TLN2: variants seen among roughly 807,000 people sequenced by gnomAD.
TLN2 encodes the protein talin 2.
TLN2 carries 118 observed loss-of-function variants against 294.7 expected under a neutral mutation model. The observed-to-expected ratio is 0.40, with a 90% confidence interval of 0.34 to 0.47. The LOEUF is 0.47. Among genes scored for constraint, TLN2 ranks in the 20% least tolerant of loss-of-function variants. The pLI is 0.84. For missense variants in TLN2, 3,083 were observed against 3,282.2 expected, an observed-to-expected ratio of 0.94 and a Z score of 1.48; for synonymous variants, 1,431 against 1,304.5, an observed-to-expected ratio of 1.10 and a Z score of -2.09.
rs60589441 is a variant in TLN2 at position 62,673,072 on chromosome 15, T to TTG, written c.789-729_789-728dup. Among the ~76,000 whole-genome samples, 433 of 144,892 alleles carry TTG rather than the reference T, an allele frequency of 3.0e-3. 3 individuals carry two copies. The highest frequency in any genetic ancestry group is 7.1e-3 in the African/African-American group (279 of 39,420). ...TATATAATGTAATATCCTAATTTAA[T>TTG]TGTGTGTGTGTGTGTGTGTGTGTGT... On this transcript the variant is annotated intron_variant, in intron 9 of 58. Coordinates refer to ENST00000636159, the MANE Select transcript of TLN2 (RefSeq NM_015059.3).
In TLN2 at chr15:62,708,526, C is replaced by G; in HGVS notation, c.2197C>G (p.Pro733Ala). The G allele has an allele frequency of 6.2e-7, 1 of 1,613,978 alleles. No homozygotes were observed. The highest frequency in any genetic ancestry group is 2.2e-5 in the East Asian group (1 of 44,872). The stretch of plus-strand genomic sequence containing the variant: ...GGTTGTGAGCCCCACTATTAGCTCC[C>G]CTGTGTGCCAGGAGCAGCTGATTGA... ...AKVVSPTISSPVCQEQLIEAG... is the reference protein window; with the variant it reads ...AKVVSPTISSAVCQEQLIEAG... Residue 733 changes from proline (P) to alanine (A), a missense_variant, in exon 21 of 59, where the codon CCT (proline) becomes GCT (alanine). Pro to Ala is a conservative substitution (Grantham distance 27). Transcript: ENST00000636159.
chr15:62,564,768 A>G (rs987495104), intron 1 of TLN2, among the ~76,000 whole-genome samples: 1 of 151,738 alleles, frequency 6.6e-6, no homozygotes, highest in African/African-American at 2.4e-5. Flanking sequence ...TTAGCTGGGC[A>G]TGGTGTCGGG....
intron 1 of TLN2, among the ~76,000 whole-genome samples, chr15:62,546,432 T>C (rs1412074252): frequency 6.6e-6 from 1 of 152,226 alleles, no homozygotes; most frequent in Non-Finnish European, 1.5e-5. Context: ...AGCCTTTTGC[T>C]TGTGCTGTGT....
At chr15:62,493,277 C>G (rs2140413158) in intron 1 of TLN2, among the ~76,000 whole-genome samples, 1 of 152,276 alleles carries the variant, frequency 6.6e-6, no homozygotes, top group East Asian at 1.9e-4. Context: ...GAGTTCAAAT[C>G]TTGCCTCTCC....
intron 1 of TLN2, among the ~76,000 whole-genome samples, chr15:62,541,974 G>T (rs1324160146): frequency 6.6e-6 from 1 of 151,352 alleles, no homozygotes; most frequent in East Asian, 1.9e-4. Flanking sequence ...TAGATAAAAA[G>T]ACTATTTAAA....
At chr15:62,564,048 C>A (rs756578327) in intron 1 of TLN2, among the ~76,000 whole-genome samples, 1 of 152,162 alleles carries the variant, frequency 6.6e-6, no homozygotes, top group Non-Finnish European at 1.5e-5. Flanking sequence ...CATTTTCTTC[C>A]TTAAATAATG....
At chr15:62,639,345 C>T (rs2050742304) in intron 3 of TLN2, among the ~76,000 whole-genome samples, 1 of 152,162 alleles carries the variant, frequency 6.6e-6, no homozygotes. Flanking sequence ...GGGGTTTGCA[C>T]AGCAGCCCTG....
chr15:62,505,814 G>T (rs1466555531), intron 1 of TLN2, among the ~76,000 whole-genome samples: 2 of 152,144 alleles, frequency 1.3e-5, no homozygotes, highest in African/African-American at 4.8e-5. Flanking sequence ...TTTTGACCTT[G>T]TCTGCCTCTA....
intron 1 of TLN2, among the ~76,000 whole-genome samples, chr15:62,510,279 T>C (rs1344326747): frequency 2.0e-5 from 3 of 152,090 alleles, no homozygotes; most frequent in African/African-American, 7.2e-5. Context: ...GGTTCTGAAG[T>C]GGTGGCTCTT....
intron 1 of TLN2, among the ~76,000 whole-genome samples, chr15:62,495,318 C>T (rs550199430): frequency 6.6e-6 from 1 of 152,292 alleles, no homozygotes; most frequent in Admixed American, 6.5e-5. Flanking sequence ...GAGTGATCCA[C>T]TGATGGTTGA....
chr15:62,708,446 G>GGA, intron 20 of TLN2, 56 bp from the exon 21 acceptor site: 1 of 1,574,708 alleles, frequency 6.4e-7, no homozygotes, highest in Non-Finnish European at 8.7e-7. Context: ...GGGGGCACAT[G>GGA]GAGAGGGACC....
chr15:62,491,347 TATATACACACAC>T (rs1318385374), intron 1 of TLN2, among the ~76,000 whole-genome samples: 1,201 of 82,238 alleles, frequency 0.015, 13 homozygotes, highest in East Asian at 0.063. Context: ...AATATATATA[TATATACACACAC>T]ACACACACAC....
At chr15:62,715,228 G>A (rs2059692021) in intron 22 of TLN2, among the ~76,000 whole-genome samples, 1 of 152,166 alleles carries the variant, frequency 6.6e-6, no homozygotes, top group African/African-American at 2.4e-5. Context: ...CAAAGAAATA[G>A]GTTCTTATAA....
At chr15:62,622,320 A>G (rs2048900859) in intron 3 of TLN2, among the ~76,000 whole-genome samples, 1 of 152,110 alleles carries the variant, frequency 6.6e-6, no homozygotes, top group South Asian at 2.1e-4. Flanking sequence ...GTGTGTGTGT[A>G]TCTGTAAAAG....
At position 62,473,965 on chromosome 15, in the gene TLN2, G is replaced by A. The variant is rs148933469; in HGVS notation, c.-238+83280G>A. 4.7e-3 allele frequency among the ~76,000 whole-genome samples: 711 copies of A among 152,276 alleles called. 7 individuals are homozygous for A. Among genetic ancestry groups the A allele is most frequent in the African/African-American group, 0.016 (676 of 41,578 alleles). On this transcript the variant is annotated intron_variant, in intron 1 of 58. Transcript: ENST00000636159. ...AAAAATTAGCCAGGTGTGGTGGCATGCATCTGTAACCCCAGCTACTTGGGA... is the reference window on the plus strand; with the variant it reads ...AAAAATTAGCCAGGTGTGGTGGCATACATCTGTAACCCCAGCTACTTGGGA...
chr15:62,471,376 G>C (rs1428390141), intron 1 of TLN2, among the ~76,000 whole-genome samples: 1 of 152,186 alleles, frequency 6.6e-6, no homozygotes, highest in Admixed American at 6.5e-5. Context: ...GCCATACTTA[G>C]GGGCAGTGCT....
At chr15:62,412,326 G>A (rs2033822932) in intron 1 of TLN2, among the ~76,000 whole-genome samples, 1 of 152,162 alleles carries the variant, frequency 6.6e-6, no homozygotes. Context: ...CCTTTTTGAG[G>A]AATTGGAAGA....
At chr15:62,732,624 A>G (rs936252752) in intron 28 of TLN2, among the ~76,000 whole-genome samples, 2 of 152,070 alleles carry the variant, frequency 1.3e-5, no homozygotes, top group African/African-American at 4.8e-5. Flanking sequence ...TGTGTGTAGA[A>G]TGGATTGGAC....
intron 1 of TLN2, among the ~76,000 whole-genome samples, chr15:62,414,926 A>G (rs1187993172): frequency 1.4e-5 from 2 of 140,324 alleles, no homozygotes; most frequent in Non-Finnish European, 3.0e-5. Context: ...TTTATTTATT[A>G]TTGAAATGGA....
Sources: gnomAD v4.1 joint callset for allele counts (sites outside exome capture counted in the v4.1 genomes callset) on GRCh38, gnomAD v4.1.1 for gene constraint, MANE v1.5 for transcripts, NCBI Gene and HGNC (gene_info 2026-07-23, HGNC 2026-07-21) for gene names.